CDK14: variants seen among roughly 807,000 people sequenced by gnomAD.
CDK14 encodes cyclin dependent kinase 14.
CDK14 carries 34 observed loss-of-function variants against 60.7 expected under a neutral mutation model. The ratio of observed to expected loss-of-function variants is 0.56; its 90% CI spans 0.43 to 0.75. The LOEUF (loss-of-function observed/expected upper bound fraction) is 0.75, where lower values mean the gene tolerates loss of function less well. Ranked by LOEUF, CDK14 falls within the 30% of genes least tolerant of loss-of-function variation. The pLI, the probability that CDK14 is intolerant of heterozygous loss-of-function variation, is 0.00. For missense variants in CDK14, 482 were observed against 564.1 expected (o/e 0.85, Z 1.47); for synonymous variants, 197 against 203.7 (o/e 0.97, Z 0.28).
chr7:90,845,083 GA>G, intron 5 of CDK14, among the ~76,000 whole-genome samples: 1 of 152,072 alleles, frequency 6.6e-6, no homozygotes, highest in East Asian at 1.9e-4. Flanking sequence ...CTCTCCACCA[GA>G]TAAACATCAG....
At chr7:91,197,367 T>G (rs965579678) in intron 14 of CDK14, among the ~76,000 whole-genome samples, 1 of 147,472 alleles carries the variant, frequency 6.8e-6, no homozygotes, top group Non-Finnish European at 1.5e-5. Context: ...ACCACTGAAC[T>G]CTGGCCTTGG....
intron 1 of CDK14, among the ~76,000 whole-genome samples, chr7:90,601,818 A>G (rs532039019): frequency 9.9e-5 from 15 of 151,976 alleles, no homozygotes; most frequent in South Asian, 4.1e-4. Context: ...CAGTGGCGCA[A>G]TCTTGCTCAC....
intron 2 of CDK14, among the ~76,000 whole-genome samples, chr7:90,644,532 A>C (rs1800418095): frequency 6.6e-6 from 1 of 152,234 alleles, no homozygotes; most frequent in Non-Finnish European, 1.5e-5. Flanking sequence ...AGAGGAAAAG[A>C]GACTCAACAG....
intron 10 of CDK14, among the ~76,000 whole-genome samples, chr7:91,008,652 A>G (rs148685717): frequency 1.4e-3 from 208 of 152,236 alleles, no homozygotes; most frequent in Middle Eastern, 3.4e-3. Context: ...AAGCATATTC[A>G]GTTTTTCTTT....
chr7:90,723,287 T>TA (rs1802520397), intron 2 of CDK14, among the ~76,000 whole-genome samples: 4 of 152,286 alleles, frequency 2.6e-5, no homozygotes, highest in Admixed American at 6.5e-5. Flanking sequence ...ACATACATTT[T>TA]TAAAAAATCT....
At chr7:91,182,628 G>T (rs369980328) in intron 14 of CDK14, among the ~76,000 whole-genome samples, 4 of 151,896 alleles carry the variant, frequency 2.6e-5, no homozygotes, top group Non-Finnish European at 4.4e-5. Context: ...AAGCAAGTAC[G>T]TATCTATATT....
At chr7:90,950,113 C>T (rs1298466652) in intron 8 of CDK14, among the ~76,000 whole-genome samples, 2 of 152,130 alleles carry the variant, frequency 1.3e-5, no homozygotes, top group South Asian at 2.1e-4. Context: ...TTTTTTGAGA[C>T]GGAGTTTCGC....
intron 14 of CDK14, among the ~76,000 whole-genome samples, chr7:91,146,876 A>T (rs1388966240): frequency 6.6e-6 from 1 of 152,028 alleles, no homozygotes; most frequent in African/African-American, 2.4e-5. Flanking sequence ...TTCTTTGATT[A>T]TACACATACC....
chr7:90,780,127 A>G (rs1253180687), intron 4 of CDK14, among the ~76,000 whole-genome samples: 1 of 152,194 alleles, frequency 6.6e-6, no homozygotes, highest in African/African-American at 2.4e-5. Flanking sequence ...ACTGTTGATA[A>G]TCTACTAAGT....
At chr7:90,795,593 A>G (rs1788388966) in intron 5 of CDK14, among the ~76,000 whole-genome samples, 1 of 151,952 alleles carries the variant, frequency 6.6e-6, no homozygotes, top group Non-Finnish European at 1.5e-5. Flanking sequence ...TAAAGAGGGT[A>G]TTGGCTTTGA....
At position 91,208,210 on chromosome 7, in the gene CDK14, A is replaced by T. The variant is rs1802961959; in HGVS notation, c.*1074A>T. The stretch of plus-strand genomic sequence containing the variant: ...GACATCATTGGGTTCTTACTTTAAG[A>T]CATCTCCTGGAATAACTGTTCAAAT... On this transcript the variant is annotated 3_prime_UTR_variant, in exon 15 of 15. Transcript: ENST00000380050. 3.9e-5 allele frequency: 6 copies of T among 152,674 alleles called. No homozygotes were observed. Among genetic ancestry groups the T allele is most frequent in the Admixed American group, 3.3e-4 (5 of 15,284 alleles). 9.5% of individuals were successfully genotyped at this position (152,674 alleles called of 1,614,324 possible).
intron 10 of CDK14, among the ~76,000 whole-genome samples, chr7:91,008,555 A>AT (rs956848223): frequency 5.8e-4 from 88 of 151,570 alleles, no homozygotes; most frequent in African/African-American, 1.9e-3. Context: ...TTTGGCAGTA[A>AT]TTTTTTTTTC....
intron 2 of CDK14, among the ~76,000 whole-genome samples, chr7:90,704,807 T>G (rs896047104): frequency 2.0e-5 from 3 of 152,258 alleles, no homozygotes; most frequent in African/African-American, 7.2e-5. Context: ...CCTCCAGAAT[T>G]TCACGGTGTT....
intron 10 of CDK14, among the ~76,000 whole-genome samples, chr7:91,015,393 A>G (rs1296811618): frequency 6.6e-6 from 1 of 151,996 alleles, no homozygotes; most frequent in Non-Finnish European, 1.5e-5. Flanking sequence ...GATCAAACAG[A>G]TTGTACTTAC....
intron 7 of CDK14, among the ~76,000 whole-genome samples, chr7:90,903,869 A>T (rs1398442407): frequency 6.6e-6 from 1 of 152,192 alleles, no homozygotes; most frequent in Non-Finnish European, 1.5e-5. Flanking sequence ...TTTAAAAAGT[A>T]TCTTTACGCA....
intron 12 of CDK14, among the ~76,000 whole-genome samples, chr7:91,088,592 T>G (rs1798708562): frequency 6.6e-6 from 1 of 151,602 alleles, no homozygotes; most frequent in African/African-American, 2.4e-5. Flanking sequence ...TGTGTGTGTG[T>G]GGTTATTATT....
chr7:90,917,373 A>T (rs1055191956), intron 7 of CDK14, among the ~76,000 whole-genome samples: 1 of 152,216 alleles, frequency 6.6e-6, no homozygotes, highest in Non-Finnish European at 1.5e-5. Context: ...CTGAGGGAGA[A>T]TCACTCTCGG....
chr7:91,070,048 C>T (rs113303241), intron 11 of CDK14, among the ~76,000 whole-genome samples: 11,487 of 152,174 alleles, frequency 0.075, 629 homozygotes, highest in African/African-American at 0.15. Context: ...CCTCCCACCT[C>T]GGCCTCCCAA....
chr7:91,169,234 C>T (rs931750581), intron 14 of CDK14, among the ~76,000 whole-genome samples: 4 of 152,204 alleles, frequency 2.6e-5, no homozygotes, highest in Non-Finnish European at 4.4e-5. Context: ...AATATACACA[C>T]TCCAGTGTAC....
Sources: allele counts gnomAD v4.1 joint callset (sites outside exome capture counted in the v4.1 genomes callset), GRCh38; gene constraint gnomAD v4.1.1; transcripts MANE v1.5; gene names NCBI Gene and HGNC (gene_info 2026-07-23, HGNC 2026-07-21).